ORC3: variants seen among roughly 807,000 people sequenced by gnomAD.
The protein encoded by ORC3 is homolog of latheo, Drosophila.
In ORC3, 78 loss-of-function variants were observed where a neutral mutation model predicts 100.7. The ratio of observed to expected loss-of-function variants is 0.77; its 90% CI spans 0.65 to 0.94. The LOEUF (loss-of-function observed/expected upper bound fraction) is 0.94, where lower values mean the gene tolerates loss of function less well. Ranked by LOEUF, ORC3 falls within the 40% of genes least tolerant of loss-of-function variation. The probability of loss-of-function intolerance (pLI) is 0.00; values close to 1 mark genes in which losing one functional copy is unlikely to be tolerated. For missense variants in ORC3, 789 were observed against 823.9 expected (o/e 0.96, Z 0.52); for synonymous variants, 295 against 289.3 (o/e 1.02, Z -0.20).
intron 11 of ORC3, among the ~76,000 whole-genome samples, chr6:87,633,995 G>A (rs1225763697): frequency 6.6e-6 from 1 of 151,954 alleles, no homozygotes; most frequent in African/African-American, 2.4e-5. Context: ...TGGCGAGTAG[G>A]GCTAGTTTTC....
chr6:87,605,018 T>C (rs981671777), intron 4 of ORC3, among the ~76,000 whole-genome samples: 1 of 152,218 alleles, frequency 6.6e-6, no homozygotes, highest in African/African-American at 2.4e-5. Flanking sequence ...ATGGTTATGT[T>C]AGGGAAGATA....
intron 14 of ORC3, 74 bp downstream of exon 14, chr6:87,653,323 C>G: frequency 3.6e-6 from 5 of 1,390,752 alleles, no homozygotes; most frequent in Non-Finnish European, 5.0e-6. Context: ...AAAACCCCAC[C>G]TTCTGATGTG....
chr6:87,672,677 T>G, the ORC3 span, among the ~76,000 whole-genome samples: 1 of 152,168 alleles, frequency 6.6e-6, no homozygotes. Context: ...AGTTCTCCCC[T>G]CCCACCAATT....
intron 11 of ORC3, among the ~76,000 whole-genome samples, chr6:87,628,209 A>G (rs184598348): frequency 1.5e-3 from 226 of 152,370 alleles, no homozygotes; most frequent in Admixed American, 4.4e-3. Flanking sequence ...CAGGATAAAC[A>G]GCTAATGCAT....
At chr6:87,672,036 A>G (rs1186795762), downstream of ORC3, among the ~76,000 whole-genome samples, 1 of 152,210 alleles carries the variant, frequency 6.6e-6, no homozygotes, top group Admixed American at 6.5e-5. Context: ...CAACAGGCCT[A>G]GTATTTCCAG....
intron 3 of ORC3, 43 bp from the exon 4 acceptor site, chr6:87,603,341 T>G: frequency 9.2e-7 from 1 of 1,084,752 alleles, no homozygotes; most frequent in Non-Finnish European, 1.3e-6. Context: ...AGACATCAGA[T>G]TATTATTTCT....
In ORC3 at chr6:87,616,408, A is replaced by G; in HGVS notation, c.968A>G (p.Asn323Ser). 6.8e-7 allele frequency: 1 copy of G among 1,459,938 alleles called. No homozygotes were observed. Among genetic ancestry groups the G allele is most frequent in the East Asian group, 2.3e-5 (1 of 44,002 alleles). The allele number at this position is 1,459,938 out of a possible 1,614,324, so 90.4% of individuals were successfully genotyped here. ...TTGTATCATGATTTCTCAGTTCAAA[A>G]CTTTATAAAAGGACTTCAGGTAAGA... Reference protein sequence around the residue: ...IFLYHDFSVQNFIKGLQLSLL... With the variant: ...IFLYHDFSVQSFIKGLQLSLL... Residue 323 changes from asparagine to serine, a missense_variant, in exon 9 of 20, where the codon AAC becomes AGC. Transcript: ENST00000392844.
At chr6:87,676,096 TAGTC>T in the ORC3 span, among the ~76,000 whole-genome samples, 1 of 152,196 alleles carries the variant, frequency 6.6e-6, no homozygotes, top group Non-Finnish European at 1.5e-5. Flanking sequence ...TGCAACTTAT[TAGTC>T]AGGAAACCTA....
chr6:87,645,431 G>A (rs1768685065), intron 13 of ORC3, among the ~76,000 whole-genome samples: 1 of 152,196 alleles, frequency 6.6e-6, no homozygotes, highest in South Asian at 2.1e-4. Context: ...TTGCTTTGTT[G>A]TGTTAGTCTT....
At chr6:87,594,661 A>G in intron 2 of ORC3, 1 of 736,382 alleles carries the variant, frequency 1.4e-6, no homozygotes, top group Non-Finnish European at 1.8e-6. Context: ...CTATTCTTTA[A>G]AAGAGATTGT....
At chr6:87,652,815 A>C (rs1769380006) in intron 13 of ORC3, among the ~76,000 whole-genome samples, 1 of 152,216 alleles carries the variant, frequency 6.6e-6, no homozygotes, top group Admixed American at 6.5e-5. Context: ...ACAGACAACG[A>C]ACCAAGGATC....
At chr6:87,618,182 A>T (rs996263888) in intron 9 of ORC3, among the ~76,000 whole-genome samples, 3 of 152,176 alleles carry the variant, frequency 2.0e-5, no homozygotes, top group Non-Finnish European at 4.4e-5. Context: ...AGGCCGAGGC[A>T]GGCAGATCAT....
chr6:87,631,112 C>T (rs1271061207), intron 11 of ORC3, among the ~76,000 whole-genome samples: 4 of 148,634 alleles, frequency 2.7e-5, no homozygotes, highest in African/African-American at 1.0e-4. Flanking sequence ...TGGTCTTGAA[C>T]CCCTGGGCTC....
intron 6 of ORC3, among the ~76,000 whole-genome samples, chr6:87,608,173 A>G (rs1444956532): frequency 6.6e-6 from 1 of 152,158 alleles, no homozygotes; most frequent in Admixed American, 6.6e-5. Context: ...ATGTTCCTCA[A>G]TGTTTGCTTT....
chr6:87,645,974 CT>C (rs1015073916), intron 13 of ORC3, among the ~76,000 whole-genome samples: 1 of 132,710 alleles, frequency 7.5e-6, no homozygotes. Flanking sequence ...ATAATTTTTT[CT>C]TTTTTTTTCT....
intron 4 of ORC3, among the ~76,000 whole-genome samples, chr6:87,604,782 G>C (rs1188057937): frequency 6.6e-6 from 1 of 151,840 alleles, no homozygotes; most frequent in Non-Finnish European, 1.5e-5. Context: ...GAATCATTTT[G>C]ATATTTTCTA....
chr6:87,603,320 A>G (rs1284796861), intron 3 of ORC3, 64 bp from the exon 4 acceptor site: 3 of 878,312 alleles, frequency 3.4e-6, no homozygotes, highest in East Asian at 5.6e-5. Context: ...TTTTCTTTCC[A>G]CAACCAGGAA....
At chr6:87,641,971 C>T (rs578180028) in intron 13 of ORC3, among the ~76,000 whole-genome samples, 4 of 152,174 alleles carry the variant, frequency 2.6e-5, no homozygotes, top group African/African-American at 9.6e-5. Context: ...TAGATTTATC[C>T]ATCCAAGAGC....
At chr6:87,663,198 G>T (rs1582091128) in intron 17 of ORC3, 54 bp downstream of exon 17, 12 of 1,395,114 alleles carry the variant, frequency 8.6e-6, no homozygotes, top group Non-Finnish European at 1.2e-5. Flanking sequence ...GGGCGTCATT[G>T]TCATAAAAAT....
Sources: gnomAD v4.1 joint callset for allele counts (sites outside exome capture counted in the v4.1 genomes callset) on GRCh38, gnomAD v4.1.1 for gene constraint, MANE v1.5 for transcripts, NCBI Gene and HGNC (gene_info 2026-07-23, HGNC 2026-07-21) for gene names.